The following PRKCB variants were observed in gnomAD, a reference collection of about 807,000 sequenced individuals.
PRKCB encodes the protein protein kinase C beta type.
In PRKCB, 13 loss-of-function variants were observed where a neutral mutation model predicts 81.5. The observed-to-expected ratio is 0.16, with a 90% CI of 0.10 to 0.25. The LOEUF (loss-of-function observed/expected upper bound fraction) is 0.25. PRKCB is among the 10% of genes least tolerant of loss of function. PRKCB has a pLI of 1.00. For synonymous variants in PRKCB, 335 were observed against 321.4 expected, an observed-to-expected ratio of 1.04 and a Z score of -0.45; for missense variants, 509 against 875.7, an observed-to-expected ratio of 0.58 and a Z score of 5.29.
At chr16:24,154,508 G>T (rs1394353202) in intron 9 of PRKCB, among the ~76,000 whole-genome samples, 176 bp from the exon 10 acceptor site, 1 of 152,124 alleles carries the variant, frequency 6.6e-6, no homozygotes, top group Non-Finnish European at 1.5e-5. Flanking sequence ...GGCAGAGCAA[G>T]ACCCTGTGTC....
intron 3 of PRKCB, among the ~76,000 whole-genome samples, chr16:24,029,376 G>T (rs561080957): frequency 3.3e-5 from 5 of 152,272 alleles, no homozygotes; most frequent in African/African-American, 1.2e-4. Context: ...GTTCTCACAC[G>T]ATCTGATGGT....
intron 9 of PRKCB, among the ~76,000 whole-genome samples, chr16:24,152,805 G>A (rs941185853): frequency 5.3e-5 from 8 of 152,192 alleles, no homozygotes; most frequent in South Asian, 2.1e-4. Flanking sequence ...TGCCATGCAC[G>A]TAAGCAGAGG....
chr16:23,883,617 A>T (rs1239195673), intron 2 of PRKCB, among the ~76,000 whole-genome samples: 1 of 152,194 alleles, frequency 6.6e-6, no homozygotes, highest in Non-Finnish European at 1.5e-5. Context: ...AGTCAATTGC[A>T]GATTTCTAGG....
chr16:24,117,959 C>G (rs1966754599), intron 8 of PRKCB, among the ~76,000 whole-genome samples: 1 of 152,232 alleles, frequency 6.6e-6, no homozygotes, highest in African/African-American at 2.4e-5. Context: ...TCAATGTGCC[C>G]TGTGCGCTGT....
At chr16:24,120,012 G>A (rs1966780926) in intron 8 of PRKCB, among the ~76,000 whole-genome samples, 3 of 152,136 alleles carry the variant, frequency 2.0e-5, no homozygotes, top group Non-Finnish European at 4.4e-5. Context: ...GTGCCATTCA[G>A]CAATACAAAG....
At chr16:23,892,692 C>T (rs1392302043) in intron 2 of PRKCB, among the ~76,000 whole-genome samples, 1 of 152,100 alleles carries the variant, frequency 6.6e-6, no homozygotes, top group Non-Finnish European at 1.5e-5. Context: ...GTATACAGCA[C>T]TGAACGAAAG....
chr16:23,982,665 G>A (rs1964754042), intron 2 of PRKCB, among the ~76,000 whole-genome samples: 1 of 152,044 alleles, frequency 6.6e-6, no homozygotes, highest in Non-Finnish European at 1.5e-5. Context: ...CTGGGCTCAA[G>A]CAATCCTCCT....
Position 23,870,451 on chromosome 16 carries a change from T to C in PRKCB, c.205+33045T>C, listed in dbSNP as rs140004013. Among the ~76,000 whole-genome samples the C allele has an allele frequency of 3.3e-5, 5 of 152,332 alleles. No homozygotes were observed. In the East Asian group the frequency reaches 7.7e-4, roughly 23 times the overall value. ...ATTGTCAGATAAGGAAACAGAGGCT[T>C]GGAGAGGCTAAACAACTTATCCTAG... On this transcript the variant is annotated intron_variant, in intron 2 of 16. Coordinates refer to ENST00000643927, the MANE Select transcript of PRKCB (RefSeq NM_002738.7).
chr16:24,194,858 A>G (rs1018233372), intron 16 of PRKCB, among the ~76,000 whole-genome samples: 2 of 152,264 alleles, frequency 1.3e-5, no homozygotes, highest in Admixed American at 1.3e-4. Flanking sequence ...TACCAGCTCT[A>G]AAGGAGCAGG....
At chr16:24,010,869 G>T (rs771999943) in intron 3 of PRKCB, among the ~76,000 whole-genome samples, 3 of 151,876 alleles carry the variant, frequency 2.0e-5, no homozygotes, top group African/African-American at 7.3e-5. Context: ...CTTGCCACTC[G>T]ATTTTTTTTT....
intron 5 of PRKCB, among the ~76,000 whole-genome samples, chr16:24,088,833 C>G (rs891864421): frequency 6.6e-6 from 1 of 152,100 alleles, no homozygotes; most frequent in Non-Finnish European, 1.5e-5. Flanking sequence ...ATTCCTTAAG[C>G]TTATGATAGA....
intron 3 of PRKCB, among the ~76,000 whole-genome samples, chr16:23,992,452 T>C (rs574629775): frequency 6.6e-6 from 1 of 152,334 alleles, no homozygotes; most frequent in African/African-American, 2.4e-5. Context: ...ATCATCTGCA[T>C]TGGATACTCC....
chr16:24,083,752 T>C (rs1966278316), intron 5 of PRKCB, among the ~76,000 whole-genome samples: 1 of 152,200 alleles, frequency 6.6e-6, no homozygotes, highest in African/African-American at 2.4e-5. Context: ...GTATTCTGAT[T>C]GTGTGATGGT....
chr16:24,094,116 G>A (rs1169356962), intron 6 of PRKCB, 47 bp from the exon 7 acceptor site: 13 of 1,589,076 alleles, frequency 8.2e-6, no homozygotes, highest in Non-Finnish European at 1.0e-5. Flanking sequence ...TTCTGCTTGA[G>A]AAATTACTAC....
chr16:24,129,517 G>A lies in PRKCB; in HGVS notation c.1065+5536G>A, dbSNP rs575740367. 2.0e-4 allele frequency among the ~76,000 whole-genome samples: 27 copies of A among 132,400 alleles called. No homozygotes were observed. The East Asian group carries it at 4.1e-3, about 20-fold the overall frequency. The allele number at this position is 132,400 out of a possible 152,430, so 86.9% of individuals were successfully genotyped here. A position where few individuals can be genotyped will look rare whatever the true frequency, so the allele number is the denominator to read the frequency against. Reference sequence around the variant, plus strand: ...CTCTTTCTGTCCCTCTCTCATGCACGTGCATCTATCTATCTATCTATCTAT... The same window carrying A: ...CTCTTTCTGTCCCTCTCTCATGCACATGCATCTATCTATCTATCTATCTAT... On this transcript the variant is annotated intron_variant, in intron 9 of 16. Transcript: ENST00000643927.
chr16:24,061,910 T>TTA (rs1435113766), intron 5 of PRKCB, among the ~76,000 whole-genome samples: 20 of 93,754 alleles, frequency 2.1e-4, no homozygotes, highest in South Asian at 8.4e-4. Context: ...CTTAAATAAA[T>TTA]AAAAAAAAAA....
chr16:23,974,469 G>A (rs1964599885), intron 2 of PRKCB, among the ~76,000 whole-genome samples: 1 of 152,146 alleles, frequency 6.6e-6, no homozygotes, highest in Non-Finnish European at 1.5e-5. Flanking sequence ...ACAGGAGGAG[G>A]AGCCAAGGAG....
chr16:23,919,233 A>G (rs1404269248), intron 2 of PRKCB, among the ~76,000 whole-genome samples: 3 of 152,236 alleles, frequency 2.0e-5, no homozygotes, highest in African/African-American at 7.2e-5. Context: ...TCTGCACAAA[A>G]GTAACTATAG....
chr16:24,021,095 C>CTTTT, intron 3 of PRKCB, among the ~76,000 whole-genome samples: 2 of 120,274 alleles, frequency 1.7e-5, no homozygotes, highest in African/African-American at 6.6e-5. Flanking sequence ...TTCTTTTTTT[C>CTTTT]TTTCTTTCTT....
Sources: gnomAD v4.1 joint callset for allele counts (sites outside exome capture counted in the v4.1 genomes callset) on GRCh38, gnomAD v4.1.1 for gene constraint, MANE v1.5 for transcripts, NCBI Gene and HGNC (gene_info 2026-07-23, HGNC 2026-07-21) for gene names.